QTRT2: variants seen among roughly 807,000 people sequenced by gnomAD.
QTRT2 encodes the protein queuine tRNA-ribosyltransferase domain containing 1.
A neutral mutation model predicts 44.8 loss-of-function variants in QTRT2; 32 were observed. The ratio of observed to expected loss-of-function variants is 0.71; its 90% CI spans 0.54 to 0.96. The LOEUF is 0.96. QTRT2 is among the 40% of genes least tolerant of loss of function. QTRT2 has a pLI of 0.00. For missense variants in QTRT2, 461 were observed against 503.1 expected, an observed-to-expected ratio of 0.92 and a Z score of 0.80; for synonymous variants, 182 against 187.4, an observed-to-expected ratio of 0.97 and a Z score of 0.24.
chr3:114,076,765 T>C lies in QTRT2; in HGVS notation c.569T>C (p.Ile190Thr), dbSNP rs759476560. 1 of 1,614,102 alleles carries C rather than the reference T, an allele frequency of 6.2e-7. No homozygotes were observed. Among genetic ancestry groups the C allele is most frequent in the Non-Finnish European group, 8.5e-7 (1 of 1,179,990 alleles). ...CAGGTTCTTCAGAAGAGTGTGATCATTGGAGTGATTGAAGGTGGAGATGTG... is the reference window on the plus strand; with the variant it reads ...CAGGTTCTTCAGAAGAGTGTGATCACTGGAGTGATTGAAGGTGGAGATGTG... The part of the protein sequence containing the change: ...ESEVLQKSVI[I>T]GVIEGGDVME... Residue 190 changes from isoleucine to threonine, a missense_variant, in exon 7 of 10, where the codon ATT becomes ACT. Physicochemically the swap from Ile to Thr is moderately conservative, Grantham distance 89. Transcript: ENST00000281273.
intron 6 of QTRT2, among the ~76,000 whole-genome samples, chr3:114,074,180 C>T (rs913125530): frequency 6.6e-6 from 1 of 152,140 alleles, no homozygotes; most frequent in South Asian, 2.1e-4. Flanking sequence ...TCACACATAG[C>T]CTTATCTTTA....
At chr3:114,074,038 G>A (rs2077058019) in intron 6 of QTRT2, among the ~76,000 whole-genome samples, 1 of 152,166 alleles carries the variant, frequency 6.6e-6, no homozygotes, top group African/African-American at 2.4e-5. Flanking sequence ...ATGGCGAATG[G>A]TTTCAACCGA....
At chr3:114,063,983 G>A (rs1405194476) in intron 2 of QTRT2, among the ~76,000 whole-genome samples, 2 of 152,158 alleles carry the variant, frequency 1.3e-5, no homozygotes, top group Admixed American at 6.5e-5. Context: ...GGGAGGCTGA[G>A]GTGGGCGGAT....
At chr3:114,059,396 T>A (rs974072939) in intron 2 of QTRT2, among the ~76,000 whole-genome samples, 2 of 152,150 alleles carry the variant, frequency 1.3e-5, no homozygotes, top group Admixed American at 1.3e-4. Context: ...TGAACTTTCC[T>A]TGGCAAAAAA....
At chr3:114,073,373 T>G (rs1404766407) in intron 6 of QTRT2, among the ~76,000 whole-genome samples, 2 of 152,132 alleles carry the variant, frequency 1.3e-5, no homozygotes, top group African/African-American at 2.4e-5. Flanking sequence ...GGGGGTTTTT[T>G]TGTTTTGTTT....
intron 4 of QTRT2, chr3:114,066,519 G>A: frequency 2.0e-6 from 1 of 495,946 alleles, no homozygotes; most frequent in Non-Finnish European, 3.7e-6. Context: ...AAAAATTGTG[G>A]TTACTGCTTT....
In QTRT2 at chr3:114,065,454, C is replaced by G; in HGVS notation, c.197C>G (p.Ser66Cys). The change falls in exon 3 of 10, where the codon TCC (serine) becomes TGC (cysteine). Residue 66 changes from serine (S) to cysteine (C), a missense_variant. Coordinates refer to ENST00000281273, the MANE Select transcript of QTRT2 (RefSeq NM_024638.4). Reference protein sequence around the residue: ...VPAMAQLTLSSLAEHHEVLTE... With the variant: ...VPAMAQLTLSCLAEHHEVLTE... ...GCCATGGCTCAGCTTACGCTGTCAT[C>G]CCTGTAAGTGTTAGAACCAATGATT... The G allele has an allele frequency of 6.2e-7, 1 of 1,610,850 alleles. No individual in the cohort carries two copies. Among genetic ancestry groups the G allele is most frequent in the Non-Finnish European group, 8.5e-7 (1 of 1,177,434 alleles).
At position 114,066,273 on chromosome 3, in the gene QTRT2, A is replaced by G. The variant is rs1287008373; in HGVS notation, c.246A>G (p.Gly82=). 1.2e-6 allele frequency: 2 copies of G among 1,603,838 alleles called. No individual in the cohort carries two copies. The highest frequency in any genetic ancestry group is 1.7e-5 in the Admixed American group (1 of 59,842). Residue 82 remains glycine, a synonymous_variant, in exon 4 of 10, where the codon GGA becomes GGG. Coordinates refer to ENST00000281273, the MANE Select transcript of QTRT2 (RefSeq NM_024638.4). The part of the protein sequence containing the change: ...EVLTEYKEGV[G]KFIGMPESLL... ...TGACAGAATATAAAGAAGGAGTTGG[A>G]AAGTTTATAGGTAAAAATTAAGTTA...
chr3:114,063,690 G>A (rs943669049), intron 2 of QTRT2, among the ~76,000 whole-genome samples: 2 of 151,850 alleles, frequency 1.3e-5, no homozygotes, highest in Non-Finnish European at 2.9e-5. Context: ...TCTCTTCTTA[G>A]ACCATATAGA....
At chr3:114,062,628 A>G (rs2076903385) in intron 2 of QTRT2, among the ~76,000 whole-genome samples, 1 of 152,174 alleles carries the variant, frequency 6.6e-6, no homozygotes, top group Admixed American at 6.5e-5. Flanking sequence ...TACTAAAGCA[A>G]TGGGGTTTGT....
intron 4 of QTRT2, among the ~76,000 whole-genome samples, 165 bp from the exon 5 acceptor site, chr3:114,067,822 A>G (rs1248006133): frequency 1.3e-5 from 2 of 152,198 alleles, no homozygotes; most frequent in African/African-American, 2.4e-5. Context: ...TAATCTTTTT[A>G]TACATATTGA....
intron 8 of QTRT2, among the ~76,000 whole-genome samples, chr3:114,080,656 G>A (rs186274379): frequency 6.6e-6 from 1 of 152,306 alleles, no homozygotes; most frequent in African/African-American, 2.4e-5. Flanking sequence ...ACAGACTTTG[G>A]GCTGGAGTTG....
chr3:114,065,129 A>C, intron 2 of QTRT2, 108 bp from the exon 3 acceptor site: 1 of 705,488 alleles, frequency 1.4e-6, no homozygotes, highest in South Asian at 1.8e-5. Flanking sequence ...TGGAAGCAGT[A>C]ATAAGCATGC....
intron 6 of QTRT2, among the ~76,000 whole-genome samples, chr3:114,074,529 C>T (rs945966344): frequency 7.9e-5 from 12 of 152,186 alleles, no homozygotes; most frequent in Admixed American, 4.6e-4. Flanking sequence ...TTAAAGTTGT[C>T]TGCTATTCCA....
intron 2 of QTRT2, among the ~76,000 whole-genome samples, chr3:114,060,820 C>T (rs2076877361): frequency 6.6e-6 from 1 of 152,068 alleles, no homozygotes; most frequent in Non-Finnish European, 1.5e-5. Context: ...TGGGGCCAGT[C>T]GTAAGTAAAA....
At chr3:114,075,448 G>A (rs2107799086) in intron 6 of QTRT2, among the ~76,000 whole-genome samples, 1 of 151,492 alleles carries the variant, frequency 6.6e-6, no homozygotes, top group Admixed American at 6.6e-5. Context: ...TTCCTCCAAA[G>A]AGTAAGTTCT....
chr3:114,077,018 G>C, intron 7 of QTRT2, 76 bp downstream of exon 7: 5 of 1,367,026 alleles, frequency 3.7e-6, no homozygotes, highest in Non-Finnish European at 4.1e-6. Context: ...ATATTAAATA[G>C]TGTCTGTGCA....
chr3:114,082,696 A>G lies in QTRT2; in HGVS notation c.918A>G (p.Thr306=), dbSNP rs757331520. Residue 306 remains threonine, a synonymous_variant, in exon 9 of 10, where the codon ACA becomes ACG. Transcript: ENST00000281273. ...CTTCAGTACTACAACAAAATGGAAC[A>G]CAAGAAGAAATAAAATGTATGGATC... ...PEETLLQQNG[T]QEEIKCMDQI... The G allele has an allele frequency of 2.8e-5, 41 of 1,483,234 alleles. No homozygotes were observed. The highest frequency in any genetic ancestry group is 3.5e-5 in the Non-Finnish European group (38 of 1,083,844). The allele number at this position is 1,483,234 out of a possible 1,614,324, so 91.9% of individuals were successfully genotyped here.
In QTRT2 at chr3:114,066,249, G is replaced by T. The variant is rs760980734; in HGVS notation, c.222G>T (p.Leu74Phe). 4.4e-6 allele frequency: 7 copies of T among 1,605,684 alleles called. No individual in the cohort carries two copies. In the East Asian group the frequency reaches 1.3e-4, roughly 31 times the overall value. ...LSSLAEHHEV[L>F]TEYKEGVGKF... Reference sequence around the variant, plus strand: ...ACAGAGCAGAACATCATGAAGTCTTGACAGAATATAAAGAAGGAGTTGGAA... The same window carrying T: ...ACAGAGCAGAACATCATGAAGTCTTTACAGAATATAAAGAAGGAGTTGGAA... The change falls in exon 4 of 10, where the codon TTG becomes TTT. Residue 74 changes from leucine (L) to phenylalanine (F), a missense_variant. Coordinates refer to ENST00000281273, the MANE Select transcript of QTRT2 (RefSeq NM_024638.4).
Sources: gnomAD v4.1 joint callset for allele counts (sites outside exome capture counted in the v4.1 genomes callset) on GRCh38, gnomAD v4.1.1 for gene constraint, MANE v1.5 for transcripts, NCBI Gene and HGNC (gene_info 2026-07-23, HGNC 2026-07-21) for gene names.